Variants in NOL4 observed in about 807,000 individuals in gnomAD.
NOL4 encodes cancer/testis antigen 125.
In NOL4, 17 loss-of-function variants were observed where a neutral mutation model predicts 75.9. The ratio of observed to expected loss-of-function variants is 0.22; its 90% CI spans 0.15 to 0.34. NOL4 has a LOEUF of 0.34. NOL4 is among the 10% of genes least tolerant of loss of function. The pLI, the probability that NOL4 is intolerant of heterozygous loss-of-function variation, is 1.00. For synonymous variants in NOL4, 292 were observed against 289.9 expected, an observed-to-expected ratio of 1.01 and a Z score of -0.07; for missense variants, 614 against 793.5, an observed-to-expected ratio of 0.77 and a Z score of 2.72.
chr18:34,027,837 G>A (rs1044232744), intron 5 of NOL4, among the ~76,000 whole-genome samples: 6 of 152,144 alleles, frequency 3.9e-5, no homozygotes, highest in African/African-American at 1.4e-4. Context: ...GTCATAGTAA[G>A]AGGATAGCCA....
intron 2 of NOL4, among the ~76,000 whole-genome samples, chr18:34,118,110 A>G (rs1189688611): frequency 6.6e-6 from 1 of 152,182 alleles, no homozygotes; most frequent in Non-Finnish European, 1.5e-5. Context: ...TAATATAATC[A>G]CACAAATTTT....
chr18:33,870,600 A>G (rs952079786), intron 10 of NOL4, among the ~76,000 whole-genome samples: 1 of 152,028 alleles, frequency 6.6e-6, no homozygotes, highest in African/African-American at 2.4e-5. Context: ...TGTACGAAAG[A>G]TATGTCTGAT....
intron 9 of NOL4, among the ~76,000 whole-genome samples, chr18:33,935,409 A>C (rs1284316125): frequency 6.6e-6 from 1 of 152,122 alleles, no homozygotes; most frequent in Non-Finnish European, 1.5e-5. Flanking sequence ...GTTTCAGGGA[A>C]TCAGAAAGGC....
chr18:33,876,766 C>T lies in NOL4; in HGVS notation c.1723+6478G>A, dbSNP rs2144580065. Among the ~76,000 whole-genome samples the T allele has an allele frequency of 3.3e-5, 5 of 152,052 alleles. No individual in the cohort carries two copies. The South Asian group carries it at 1.0e-3, about 32-fold the overall frequency. On this transcript the variant is annotated intron_variant, in intron 10 of 10. Coordinates refer to ENST00000261592, the MANE Select transcript of NOL4 (RefSeq NM_003787.5). Reference sequence around the variant, plus strand: ...TTGTGGGCCCAATCAATCTAGCTGCCTTTCTGTGATTAAAACAAGCAAAAA... The same window carrying T: ...TTGTGGGCCCAATCAATCTAGCTGCTTTTCTGTGATTAAAACAAGCAAAAA...
chr18:33,930,848 A>C (rs183408744), intron 9 of NOL4, among the ~76,000 whole-genome samples: 6 of 152,262 alleles, frequency 3.9e-5, no homozygotes, highest in Admixed American at 3.9e-4. Context: ...TAGTTGAATG[A>C]AAAATAAAAA....
intron 6 of NOL4, among the ~76,000 whole-genome samples, chr18:33,963,431 T>C (rs1427274822): frequency 1.3e-5 from 2 of 152,168 alleles, no homozygotes; most frequent in Non-Finnish European, 2.9e-5. Context: ...CCATATAATA[T>C]ATGGCAGCCA....
At chr18:34,086,081 C>T (rs1347012169) in intron 5 of NOL4, among the ~76,000 whole-genome samples, 1 of 152,070 alleles carries the variant, frequency 6.6e-6, no homozygotes, top group Non-Finnish European at 1.5e-5. Flanking sequence ...ATCGAATTAA[C>T]TAACTCAATT....
intron 5 of NOL4, among the ~76,000 whole-genome samples, chr18:34,064,918 A>AACACACAC (rs66465203): frequency 7.0e-4 from 67 of 95,560 alleles, no homozygotes; most frequent in African/African-American, 1.6e-3. Flanking sequence ...GGTATTTTTT[A>AACACACAC]ACACACACAC....
At chr18:34,003,059 G>A (rs533390133) in intron 6 of NOL4, among the ~76,000 whole-genome samples, 1 of 152,150 alleles carries the variant, frequency 6.6e-6, no homozygotes, top group East Asian at 1.9e-4. Flanking sequence ...CATAATAATT[G>A]TTTTTCTGGA....
At chr18:34,071,792 A>G (rs1424399517) in intron 5 of NOL4, among the ~76,000 whole-genome samples, 2 of 152,198 alleles carry the variant, frequency 1.3e-5, no homozygotes, top group Admixed American at 6.5e-5. Context: ...AATATTTTCA[A>G]TTTATAATGG....
intron 6 of NOL4, among the ~76,000 whole-genome samples, chr18:33,966,831 G>T (rs2145830431): frequency 6.6e-6 from 1 of 152,206 alleles, no homozygotes; most frequent in Non-Finnish European, 1.5e-5. Flanking sequence ...AATCAGAGAT[G>T]ACATAAGCAA....
intron 1 of NOL4, among the ~76,000 whole-genome samples, chr18:34,203,727 A>ACACACACC (rs2035922872): frequency 7.0e-6 from 1 of 143,674 alleles, no homozygotes. Context: ...TCACACACAC[A>ACACACACC]CACACACACA....
At chr18:34,222,172 A>T in intron 1 of NOL4, 2 of 1,485,816 alleles carry the variant, frequency 1.3e-6, no homozygotes, top group Non-Finnish European at 8.9e-7. Flanking sequence ...TGGGCTCTCA[A>T]TGCCAGTGCC....
chr18:33,902,071 C>A (rs1016272702), intron 9 of NOL4, among the ~76,000 whole-genome samples: 2 of 151,676 alleles, frequency 1.3e-5, no homozygotes, highest in Non-Finnish European at 2.9e-5. Flanking sequence ...TCAGAAAGTC[C>A]AAGTATGCTG....
At chr18:33,880,714 C>G (rs1415629640) in intron 10 of NOL4, among the ~76,000 whole-genome samples, 3 of 151,946 alleles carry the variant, frequency 2.0e-5, no homozygotes, top group Non-Finnish European at 4.4e-5. Context: ...TCAAATTTTC[C>G]AAATCAAAAG....
At chr18:34,057,652 A>T (rs1419354943) in intron 5 of NOL4, among the ~76,000 whole-genome samples, 1 of 152,220 alleles carries the variant, frequency 6.6e-6, no homozygotes, top group Non-Finnish European at 1.5e-5. Context: ...TGTTAAATAC[A>T]AATTAGAATA....
intron 10 of NOL4, among the ~76,000 whole-genome samples, chr18:33,863,983 C>A (rs1192285735): frequency 6.6e-6 from 1 of 152,206 alleles, no homozygotes; most frequent in African/African-American, 2.4e-5. Context: ...GCCACAAAGG[C>A]TTGGGGACTG....
At chr18:34,059,341 T>C (rs554601792) in intron 5 of NOL4, among the ~76,000 whole-genome samples, 2 of 152,074 alleles carry the variant, frequency 1.3e-5, no homozygotes, top group South Asian at 4.1e-4. Flanking sequence ...AACTGGAAGT[T>C]CTCTGGACAC....
intron 6 of NOL4, among the ~76,000 whole-genome samples, chr18:33,969,758 C>CA (rs5823932): frequency 0.44 from 62,460 of 140,758 alleles, 14,223 homozygotes; most frequent in African/African-American, 0.56. Flanking sequence ...AGTGCTTGTC[C>CA]AAAAAAAAAA....
Sources: gnomAD v4.1 joint callset for allele counts (sites outside exome capture counted in the v4.1 genomes callset) on GRCh38, gnomAD v4.1.1 for gene constraint, MANE v1.5 for transcripts, NCBI Gene and HGNC (gene_info 2026-07-23, HGNC 2026-07-21) for gene names.